SCP2: variants seen among roughly 807,000 people sequenced by gnomAD.
The protein encoded by SCP2 is sterol carrier protein 2.
Under a neutral mutation model 71.4 loss-of-function variants are expected in SCP2, and 48 were observed. The ratio of observed to expected loss-of-function variants is 0.67; its 90% CI spans 0.53 to 0.86. The LOEUF is 0.86. Ranked by LOEUF, SCP2 falls within the 40% of genes least tolerant of loss-of-function variation. The pLI, the probability that SCP2 is intolerant of heterozygous loss-of-function variation, is 0.00. For missense variants in SCP2, 560 were observed against 655.6 expected, an observed-to-expected ratio of 0.85 and a Z score of 1.59; for synonymous variants, 220 against 218.1, an observed-to-expected ratio of 1.01 and a Z score of -0.08.
At chr1:52,973,463 C>G (rs761054615) in intron 6 of SCP2, among the ~76,000 whole-genome samples, 3 of 152,094 alleles carry the variant, frequency 2.0e-5, no homozygotes, top group Non-Finnish European at 4.4e-5. Context: ...AATTTTCTTG[C>G]TGCTGTCCAG....
intron 11 of SCP2, chr1:52,994,763 GCAA>G (rs1659802371): frequency 4.8e-6 from 3 of 623,174 alleles, no homozygotes; most frequent in South Asian, 3.2e-5. Context: ...TGTCAGTGTG[GCAA>G]CCGGATGGGT....
intron 6 of SCP2, among the ~76,000 whole-genome samples, chr1:52,971,762 G>T (rs554312821): frequency 6.6e-6 from 1 of 152,206 alleles, no homozygotes; most frequent in Non-Finnish European, 1.5e-5. Flanking sequence ...CCTTCTGGGC[G>T]TGGGGCAGGT....
intron 11 of SCP2, among the ~76,000 whole-genome samples, chr1:53,008,409 C>T (rs1452351282): frequency 6.6e-6 from 1 of 152,208 alleles, no homozygotes. Context: ...AATCCAGCAA[C>T]ACATCAAAAA....
chr1:52,931,374 C>A (rs1221531002), intron 1 of SCP2, among the ~76,000 whole-genome samples: 3 of 152,106 alleles, frequency 2.0e-5, no homozygotes, highest in African/African-American at 7.2e-5. Context: ...CAGTTAGGTC[C>A]CAAGATCTCT....
chr1:53,030,909 A>T lies in SCP2; in HGVS notation c.1338+2838A>T, dbSNP rs11206075. Reference sequence around the variant, plus strand: ...AGCGAGACTCCACCTCAAAAAAATTAAAAAAAAAAAAAAAAAAAAAGGCTT... The same window carrying T: ...AGCGAGACTCCACCTCAAAAAAATTTAAAAAAAAAAAAAAAAAAAAGGCTT... On this transcript the variant is annotated intron_variant, in intron 13 of 15. Transcript: ENST00000371514. Among the ~76,000 whole-genome samples, 14 of 88,920 alleles carry T rather than the reference A, an allele frequency of 1.6e-4. No homozygotes were observed. The South Asian group carries it at 3.8e-3, about 24-fold the overall frequency. The allele number at this position is 88,920 out of a possible 152,430, so 58.3% of individuals were successfully genotyped here.
intron 11 of SCP2, among the ~76,000 whole-genome samples, chr1:53,003,307 T>C (rs1660435884): frequency 6.6e-6 from 1 of 152,184 alleles, no homozygotes; most frequent in Admixed American, 6.5e-5. Flanking sequence ...TAGCCTCGAT[T>C]TCTTGGGCTC....
At chr1:53,021,317 C>CTTTT (rs35858975) in intron 12 of SCP2, among the ~76,000 whole-genome samples, 5 of 127,338 alleles carry the variant, frequency 3.9e-5, no homozygotes, top group African/African-American at 1.2e-4. Flanking sequence ...CCGTCAACCA[C>CTTTT]TTTTTTTTTT....
intron 12 of SCP2, among the ~76,000 whole-genome samples, chr1:53,023,698 G>C (rs1335507775): frequency 6.6e-6 from 1 of 152,192 alleles, no homozygotes; most frequent in Admixed American, 6.5e-5. Flanking sequence ...GACCCAGGGA[G>C]CAGCAGTGGC....
At chr1:52,976,628 C>CAA in intron 7 of SCP2, 55 bp from the exon 8 acceptor site, 2 of 920,324 alleles carry the variant, frequency 2.2e-6, no homozygotes, top group Non-Finnish European at 3.6e-6. Flanking sequence ...TACTCTGCAA[C>CAA]AAAAATTACA....
rs1251744091 is a variant in SCP2 at position 52,959,160 on chromosome 1, A to T, written c.397-2343A>T. Among the ~76,000 whole-genome samples, 3 of 151,570 alleles carry T rather than the reference A, an allele frequency of 2.0e-5. No homozygotes were observed. In the East Asian group the frequency reaches 5.8e-4, roughly 29 times the overall value. On this transcript the variant is annotated intron_variant, in intron 5 of 15. Coordinates refer to ENST00000371514, the MANE Select transcript of SCP2 (RefSeq NM_002979.5). ...TTTTTGGTAGAATTCACCAGTTCACATCTGGTCTGGTGACTTCTTTTCTTT... is the reference window on the plus strand; with the variant it reads ...TTTTTGGTAGAATTCACCAGTTCACTTCTGGTCTGGTGACTTCTTTTCTTT...
Position 53,050,827 on chromosome 1 carries a change from C to G in SCP2, c.*123C>G. 1.3e-6 allele frequency: 1 copy of G among 757,118 alleles called. No individual in the cohort carries two copies. Among genetic ancestry groups the G allele is most frequent in the Non-Finnish European group, 2.3e-6 (1 of 430,826 alleles). 46.9% of individuals were successfully genotyped at this position (757,118 alleles called of 1,614,324 possible). On this transcript the variant is annotated 3_prime_UTR_variant, in exon 16 of 16. Transcript: ENST00000371514. ...CAAATAGCGTGGGATAGATTTGTTT[C>G]TTAATGGGTGTGACCAATCCTGTTT...
At chr1:53,005,163 G>T (rs1240607231) in intron 11 of SCP2, among the ~76,000 whole-genome samples, 1 of 152,146 alleles carries the variant, frequency 6.6e-6, no homozygotes, top group Non-Finnish European at 1.5e-5. Context: ...AGCTCAACGA[G>T]GCCCGCCTGC....
At chr1:52,934,770 G>T (rs1392001510) in intron 1 of SCP2, among the ~76,000 whole-genome samples, 1 of 148,536 alleles carries the variant, frequency 6.7e-6, no homozygotes, top group Non-Finnish European at 1.5e-5. Context: ...CTGCCAACAC[G>T]CCCGGCTAAT....
At chr1:53,043,707 C>A (rs1663586497) in intron 14 of SCP2, among the ~76,000 whole-genome samples, 1 of 152,202 alleles carries the variant, frequency 6.6e-6, no homozygotes, top group African/African-American at 2.4e-5. Flanking sequence ...ATAGCAGCAG[C>A]AGTAGCAGAT....
chr1:52,927,566 G>C lies in SCP2; in HGVS notation c.69+101G>C, dbSNP rs954324941. 7.0e-5 allele frequency: 62 copies of C among 880,514 alleles called. No homozygotes were observed. The African/African-American group carries it at 9.5e-4, about 13-fold the overall frequency. 54.5% of individuals were successfully genotyped at this position (880,514 alleles called of 1,614,324 possible). A position where few individuals can be genotyped will look rare whatever the true frequency, so the allele number is the denominator to read the frequency against. Reference sequence around the variant, plus strand: ...TCTCCTAGCTTCGACTGCTCCGCGCGTGGGTCATCGGCGTGGCGACTTGGT... The same window carrying C: ...TCTCCTAGCTTCGACTGCTCCGCGCCTGGGTCATCGGCGTGGCGACTTGGT... On this transcript the variant is annotated intron_variant, in intron 1 of 15. Transcript: ENST00000371514.
At chr1:52,968,986 C>T (rs1657218757) in intron 6 of SCP2, among the ~76,000 whole-genome samples, 4 of 151,820 alleles carry the variant, frequency 2.6e-5, no homozygotes, top group Admixed American at 1.3e-4. Context: ...AGTTACTATT[C>T]ATTAAGTGGA....
intron 13 of SCP2, 124 bp from the exon 14 acceptor site, chr1:53,038,793 G>T: frequency 8.6e-7 from 1 of 1,165,528 alleles, no homozygotes; most frequent in Non-Finnish European, 1.3e-6. Context: ...AGATCATAAG[G>T]GACCTTGGGG....
At chr1:53,010,796 G>T (rs1265231206) in intron 11 of SCP2, among the ~76,000 whole-genome samples, 3 of 152,062 alleles carry the variant, frequency 2.0e-5, no homozygotes, top group Admixed American at 6.6e-5. Flanking sequence ...AAGGTACTTT[G>T]TAGTATTCTC....
At chr1:53,048,182 C>T in intron 15 of SCP2, 1 of 444,484 alleles carries the variant, frequency 2.2e-6, no homozygotes. Flanking sequence ...AGAGTCAGTG[C>T]AGCCAGAGAT....
Sources: allele counts gnomAD v4.1 joint callset (sites outside exome capture counted in the v4.1 genomes callset), GRCh38; gene constraint gnomAD v4.1.1; transcripts MANE v1.5; gene names NCBI Gene and HGNC (gene_info 2026-07-23, HGNC 2026-07-21).